Variants in DTX4 observed in about 807,000 individuals in gnomAD.
The protein encoded by DTX4 is deltex E3 ubiquitin ligase 4.
Under a neutral mutation model 57.6 loss-of-function variants are expected in DTX4, and 28 were observed. That is an observed-to-expected ratio of 0.49 (90% CI 0.36 to 0.67). The LOEUF (loss-of-function observed/expected upper bound fraction) is 0.67. Among genes scored for constraint, DTX4 ranks in the 30% least tolerant of loss-of-function variants. The pLI is 0.00. For synonymous variants in DTX4, 316 were observed against 331.0 expected, an observed-to-expected ratio of 0.95 and a Z score of 0.49; for missense variants, 715 against 836.8, an observed-to-expected ratio of 0.85 and a Z score of 1.80.
At chr11:59,202,804 A>G (rs906932365) in intron 8 of DTX4, among the ~76,000 whole-genome samples, 1 of 152,218 alleles carries the variant, frequency 6.6e-6, no homozygotes, top group Non-Finnish European at 1.5e-5. Context: ...TGACAGGGAT[A>G]TCATTATTAT....
chr11:59,188,829 G>C, intron 3 of DTX4, 33 bp downstream of exon 3: 5 of 1,582,240 alleles, frequency 3.2e-6, no homozygotes, highest in Non-Finnish European at 4.3e-6. Context: ...CTGGGTTAAG[G>C]TAGAGAAATC....
At chr11:59,199,018 A>G (rs760602167) in intron 7 of DTX4, among the ~76,000 whole-genome samples, 5 of 152,196 alleles carry the variant, frequency 3.3e-5, no homozygotes, top group Non-Finnish European at 7.3e-5. Flanking sequence ...TTGGGTGGCA[A>G]TAGTTGAAAT....
At chr11:59,174,142 A>T (rs1326067776) in intron 1 of DTX4, among the ~76,000 whole-genome samples, 2 of 152,146 alleles carry the variant, frequency 1.3e-5, no homozygotes. Context: ...AACTCCCAGC[A>T]ACCCCTTTGC....
At chr11:59,179,325 A>G (rs1862431966) in intron 1 of DTX4, among the ~76,000 whole-genome samples, 1 of 152,254 alleles carries the variant, frequency 6.6e-6, no homozygotes, top group Admixed American at 6.5e-5. Flanking sequence ...CTCACTTTCA[A>G]GCCAAAAACA....
chr11:59,195,122 T>C, intron 6 of DTX4, 86 bp from the exon 7 acceptor site: 7 of 1,448,986 alleles, frequency 4.8e-6, no homozygotes, highest in Non-Finnish European at 6.8e-6. Context: ...CCCTGGCCCT[T>C]CATCTCTGGT....
At chr11:59,180,156 G>A (rs1382020784) in intron 1 of DTX4, among the ~76,000 whole-genome samples, 1 of 152,002 alleles carries the variant, frequency 6.6e-6, no homozygotes, top group African/African-American at 2.4e-5. Flanking sequence ...GGAAACTGAG[G>A]CTTAATCACA....
Position 59,191,152 on chromosome 11 carries a change from A to G in DTX4, c.1198A>G (p.Lys400Glu). ...PEEVLKKYLQKVRHPPDEDCT... is the reference protein window; with the variant it reads ...PEEVLKKYLQEVRHPPDEDCT... ...GGAAGTGCTAAAAAAATATCTACAGAAAGTCCGGCACCCACCAGATGAGGT... is the reference window on the plus strand; with the variant it reads ...GGAAGTGCTAAAAAAATATCTACAGGAAGTCCGGCACCCACCAGATGAGGT... The change falls in exon 5 of 9, where the codon AAA becomes GAA. Residue 400 changes from lysine to glutamate, a missense_variant. By Grantham distance (56) the Lys-to-Glu change is moderately conservative. Coordinates refer to ENST00000227451, the MANE Select transcript of DTX4 (RefSeq NM_015177.2). The G allele has an allele frequency of 6.4e-7, 1 of 1,573,362 alleles. No individual in the cohort carries two copies. The highest frequency in any genetic ancestry group is 8.6e-7 in the Non-Finnish European group (1 of 1,159,312).
rs1362714200 is a variant in DTX4 at position 59,182,247 on chromosome 11, G to A, written c.720G>A (p.Leu240=). ...TGCCAGGCTCTGGGGCCAAGCCACTGGACAGCACAGGCACCATTCGAGGCC... is the reference window on the plus strand; with the variant it reads ...TGCCAGGCTCTGGGGCCAAGCCACTAGACAGCACAGGCACCATTCGAGGCC... ...PPLPGSGAKP[L]DSTGTIRGPL... is the part of the protein sequence containing the mutation. Residue 240 remains leucine (L), a synonymous_variant, in exon 2 of 9, where the codon CTG becomes CTA. Transcript: ENST00000227451. The A allele has an allele frequency of 6.2e-7, 1 of 1,611,866 alleles. No homozygotes were observed. The highest frequency in any genetic ancestry group is 1.3e-5 in the African/African-American group (1 of 74,922).
In DTX4 at chr11:59,204,738, C is replaced by T; in HGVS notation, c.1689C>T (p.Ser563=). The T allele has an allele frequency of 6.2e-7, 1 of 1,613,832 alleles. No individual in the cohort carries two copies. The highest frequency in any genetic ancestry group is 1.7e-5 in the Admixed American group (1 of 60,004). The change falls in exon 9 of 9, where the codon AGC becomes AGT. Residue 563 remains serine (S), a synonymous_variant. Transcript: ENST00000227451. ...TCATTTTTGCCATTGGCACCTCCAG[C>T]ACCACAGGCGAGTCAGACACCGTCA... is the stretch of plus-strand genomic sequence containing the variant. ...RRLIFAIGTS[S]TTGESDTVIW... is the part of the protein sequence containing the mutation.
chr11:59,177,590 A>G (rs1011786051), intron 1 of DTX4, among the ~76,000 whole-genome samples: 1 of 152,058 alleles, frequency 6.6e-6, no homozygotes, highest in Admixed American at 6.5e-5. Flanking sequence ...CTCTGGCTCT[A>G]ACATATCTTT....
intron 4 of DTX4, among the ~76,000 whole-genome samples, chr11:59,189,878 A>G (rs1271190641): frequency 3.3e-5 from 5 of 152,136 alleles, no homozygotes; most frequent in Admixed American, 6.5e-5. Flanking sequence ...TCCGGCAAAT[A>G]AGGGGTCAAT....
intron 8 of DTX4, among the ~76,000 whole-genome samples, chr11:59,203,197 A>C (rs758111278): frequency 2.4e-4 from 36 of 152,308 alleles, no homozygotes; most frequent in Non-Finnish European, 4.4e-4. Flanking sequence ...AATTTATTAA[A>C]ACTACTTTTC....
intron 2 of DTX4, among the ~76,000 whole-genome samples, chr11:59,183,284 G>A (rs981329505): frequency 6.6e-6 from 1 of 152,194 alleles, no homozygotes; most frequent in East Asian, 1.9e-4. Context: ...AGCCAGAGAG[G>A]TGACTCCAAA....
intron 8 of DTX4, among the ~76,000 whole-genome samples, chr11:59,201,971 A>G (rs1024400053): frequency 6.6e-6 from 1 of 152,082 alleles, no homozygotes; most frequent in Non-Finnish European, 1.5e-5. Flanking sequence ...TCCTCCCTGC[A>G]CTCACTGCCT....
Position 59,192,268 on chromosome 11 carries a change from G to A in DTX4, c.1374+18G>A. ...GGAACAAGGTCAGTGCCAGCCTATG[G>A]GGCTCCTGCCACCCTTCACACTGGG... On this transcript the variant is annotated intron_variant, in intron 6 of 8. Transcript: ENST00000227451. 1 of 1,613,514 alleles carries A rather than the reference G, an allele frequency of 6.2e-7. No individual in the cohort carries two copies. The highest frequency in any genetic ancestry group is 8.5e-7 in the Non-Finnish European group (1 of 1,179,562).
At chr11:59,173,217 A>T (rs73476939) in intron 1 of DTX4, among the ~76,000 whole-genome samples, 1,700 of 151,990 alleles carry the variant, frequency 0.011, 29 homozygotes, top group African/African-American at 0.039. Context: ...GGCTGACCTG[A>T]CCCTGTTTTG....
intron 8 of DTX4, among the ~76,000 whole-genome samples, chr11:59,203,070 A>T (rs1452262779): frequency 6.6e-6 from 1 of 152,240 alleles, no homozygotes; most frequent in East Asian, 1.9e-4. Context: ...CTTACCACGA[A>T]TGGTACTTGC....
chr11:59,205,005 C>T lies in DTX4; in HGVS notation c.*96C>T. The T allele has an allele frequency of 1.8e-6, 2 of 1,114,830 alleles. No individual in the cohort carries two copies. Among genetic ancestry groups the T allele is most frequent in the East Asian group, 2.6e-5 (1 of 38,674 alleles). 69.1% of individuals were successfully genotyped at this position (1,114,830 alleles called of 1,614,324 possible). The stretch of plus-strand genomic sequence containing the variant: ...GTAGAAGAAGTTGGTGTCCTGCCCT[C>T]CCAACTTTCTATCCTCCCCTCCTGC... On this transcript the variant is annotated 3_prime_UTR_variant, in exon 9 of 9. Transcript: ENST00000227451.
At chr11:59,183,249 G>A (rs1211083201) in intron 2 of DTX4, among the ~76,000 whole-genome samples, 1 of 152,160 alleles carries the variant, frequency 6.6e-6, no homozygotes, top group Non-Finnish European at 1.5e-5. Flanking sequence ...CAAAATGAGA[G>A]TTTCTTTCCC....
Sources: gnomAD v4.1 joint callset for allele counts (sites outside exome capture counted in the v4.1 genomes callset) on GRCh38, gnomAD v4.1.1 for gene constraint, MANE v1.5 for transcripts, NCBI Gene and HGNC (gene_info 2026-07-23, HGNC 2026-07-21) for gene names.